The following ZNF619 variants were observed in gnomAD, a reference collection of about 807,000 sequenced individuals.
ZNF619 encodes zinc finger protein 619.
In ZNF619, 9 loss-of-function variants were observed where a neutral mutation model predicts 14.2. That is an observed-to-expected ratio of 0.64 (90% confidence interval 0.38 to 1.11). The LOEUF (loss-of-function observed/expected upper bound fraction) is 1.11. Ranked by LOEUF, ZNF619 falls within the 50% of genes least tolerant of loss-of-function variation. ZNF619 has a pLI of 0.01. For synonymous variants in ZNF619, 246 were observed against 252.8 expected, an observed-to-expected ratio of 0.97 and a Z score of 0.26; for missense variants, 659 against 680.1, an observed-to-expected ratio of 0.97 and a Z score of 0.34.
chr3:40,489,215 G>A lies in ZNF619; in HGVS notation c.*974G>A, dbSNP rs1466346806. ...TCATTTTCCTTTTTTTTTTGAGACA[G>A]GTTCTTGTTCTGTCATCCAGGCTGG... On this transcript the variant is annotated 3_prime_UTR_variant, in exon 5 of 5. Coordinates refer to ENST00000432264, the MANE Select transcript of ZNF619 (RefSeq NM_001145093.4). 6.7e-6 allele frequency: 1 copy of A among 149,990 alleles called. No homozygotes were observed. The highest frequency in any genetic ancestry group is 6.6e-5 in the Admixed American group (1 of 15,124). 9.3% of individuals were successfully genotyped at this position (149,990 alleles called of 1,614,324 possible). A position where few individuals can be genotyped will look rare whatever the true frequency, so the allele number is the denominator to read the frequency against.
intron 4 of ZNF619, among the ~76,000 whole-genome samples, chr3:40,486,080 C>T (rs1403898724): frequency 6.6e-6 from 1 of 152,156 alleles, no homozygotes; most frequent in Non-Finnish European, 1.5e-5. Context: ...CTTGATTGGA[C>T]TTTGAGATCC....
chr3:40,486,090 C>T (rs1469306129), intron 4 of ZNF619, among the ~76,000 whole-genome samples: 1 of 152,176 alleles, frequency 6.6e-6, no homozygotes, highest in Non-Finnish European at 1.5e-5. Context: ...CTTTGAGATC[C>T]ACTGTTGTAG....
rs1206317326 is a variant in ZNF619, at chr3:40,490,712, C to T, written c.*2471C>T. On this transcript the variant is annotated 3_prime_UTR_variant, in exon 5 of 5. Transcript: ENST00000432264. The stretch of plus-strand genomic sequence containing the variant: ...TCTCTTATGATTTTCTTAATATTTT[C>T]TCTAGCTTTATTATAAGAATATAGT... Among the ~76,000 whole-genome samples the T allele has an allele frequency of 1.3e-5, 2 of 152,070 alleles. No homozygotes were observed. Among genetic ancestry groups the T allele is most frequent in the East Asian group, 3.9e-4 (2 of 5,186 alleles).
Position 40,488,319 on chromosome 3 carries a change from C to A in ZNF619, c.*78C>A. 1.3e-6 allele frequency: 1 copy of A among 746,730 alleles called. No homozygotes were observed. The highest frequency in any genetic ancestry group is 1.7e-5 in the South Asian group (1 of 58,680). The allele number at this position is 746,730 out of a possible 1,614,324, so 46.3% of individuals were successfully genotyped here. A position where few individuals can be genotyped will look rare whatever the true frequency, so the allele number is the denominator to read the frequency against. ...TCTCCTGATTGTGTCTATTGATATTCCTCTGGTCTTGTCTTGTATAAGTTG... is the reference window on the plus strand; with the variant it reads ...TCTCCTGATTGTGTCTATTGATATTACTCTGGTCTTGTCTTGTATAAGTTG... On this transcript the variant is annotated 3_prime_UTR_variant, in exon 5 of 5. Coordinates refer to ENST00000432264, the MANE Select transcript of ZNF619 (RefSeq NM_001145093.4).
At position 40,489,369 on chromosome 3, in the gene ZNF619, G is replaced by A. The variant is rs1235960224; in HGVS notation, c.*1128G>A. 1 of 147,420 alleles carries A rather than the reference G, an allele frequency of 6.8e-6. No individual in the cohort carries two copies. The highest frequency in any genetic ancestry group is 2.5e-5 in the African/African-American group (1 of 40,254). The allele number at this position is 147,420 out of a possible 1,614,324, so 9.1% of individuals were successfully genotyped here. On this transcript the variant is annotated 3_prime_UTR_variant, in exon 5 of 5. Coordinates refer to ENST00000432264, the MANE Select transcript of ZNF619 (RefSeq NM_001145093.4). ...CCAGTTTCTCAGAGGGCTGAGGTGG[G>A]AGGATTGCTTGAGCCCTGGGGGCAT... is the stretch of plus-strand genomic sequence containing the variant.
chr3:40,487,609 A>C lies in ZNF619; in HGVS notation c.1099A>C (p.Thr367Pro), dbSNP rs753457661. Residue 367 changes from threonine (T) to proline (P), a missense_variant, in exon 5 of 5, where the codon ACT becomes CCT. By Grantham distance (38) the Thr-to-Pro change is conservative (BLOSUM62 -1). Coordinates refer to ENST00000432264, the MANE Select transcript of ZNF619 (RefSeq NM_001145093.4). Reference protein sequence around the residue: ...SVLIQHQRIHTGEKPYECKEC... With the variant: ...SVLIQHQRIHPGEKPYECKEC... ...TCTGATTCAGCATCAGAGAATCCAC[A>C]CTGGGGAGAAACCTTATGAATGTAA... 1 of 1,614,192 alleles carries C rather than the reference A, an allele frequency of 6.2e-7. No homozygotes were observed. Among genetic ancestry groups the C allele is most frequent in the Non-Finnish European group, 8.5e-7 (1 of 1,180,014 alleles).
chr3:40,482,157 A>G lies in ZNF619; in HGVS notation c.178+141A>G, dbSNP rs75397685. 11,207 of 1,545,558 alleles carry G rather than the reference A, an allele frequency of 7.3e-3. 47 individuals carry two copies. Among genetic ancestry groups the G allele is most frequent in the Non-Finnish European group, 8.5e-3 (9,711 of 1,146,226 alleles). ...CTCCCTAATCCCCAGTGCCAGGGGT[A>G]GCTGGATGGAGAAAGAGCTCGGTTC... On this transcript the variant is annotated intron_variant, in intron 3 of 4. Transcript: ENST00000432264.
rs541652519 is a variant in ZNF619 at position 40,481,664 on chromosome 3, G to A, written c.25-199G>A. Among the ~76,000 whole-genome samples, 6 of 152,288 alleles carry A rather than the reference G, an allele frequency of 3.9e-5. No homozygotes were observed. In the South Asian group the frequency reaches 1.2e-3, roughly 32 times the overall value. ...CCAGGCAGAGAACAACAGGTGCTGG[G>A]CTGTGTACTTAGGATGATAATATTA... On this transcript the variant is annotated intron_variant, in intron 2 of 4. Transcript: ENST00000432264.
rs1697779657 is a variant in ZNF619 at position 40,490,729 on chromosome 3, GAAT to G, written c.*2490_*2492del. 1.3e-5 allele frequency among the ~76,000 whole-genome samples: 2 copies of G among 152,124 alleles called. No individual in the cohort carries two copies. The highest frequency in any genetic ancestry group is 2.9e-5 in the Non-Finnish European group (2 of 68,026). Reference sequence around the variant, plus strand: ...AATATTTTCTCTAGCTTTATTATAAGAATATAGTGTCTAATATGTATAACATAA... The same window carrying G: ...AATATTTTCTCTAGCTTTATTATAAGATAGTGTCTAATATGTATAACATAA... On this transcript the variant is annotated 3_prime_UTR_variant, in exon 5 of 5. Transcript: ENST00000432264.
intron 1 of ZNF619, 49 bp from the exon 2 acceptor site, chr3:40,477,869 G>A: frequency 9.8e-7 from 1 of 1,018,414 alleles, no homozygotes; most frequent in East Asian, 2.6e-5. Context: ...GGAAGAGGCG[G>A]CAAGTGTAGG....
At chr3:40,478,645 A>G (rs1697281458) in intron 2 of ZNF619, among the ~76,000 whole-genome samples, 1 of 151,770 alleles carries the variant, frequency 6.6e-6, no homozygotes, top group South Asian at 2.1e-4. Flanking sequence ...TCTTGGCTAC[A>G]AATTCATGTA....
At position 40,488,117 on chromosome 3, in the gene ZNF619, T is replaced by C. The variant is rs772308594; in HGVS notation, c.1607T>C (p.Leu536Pro). Residue 536 changes from leucine to proline, a missense_variant, in exon 5 of 5, where the codon CTG becomes CCG. Physicochemically the swap from Leu to Pro is moderately conservative, Grantham distance 98. Coordinates refer to ENST00000432264, the MANE Select transcript of ZNF619 (RefSeq NM_001145093.4). The part of the protein sequence containing the change: ...VVLPPSVPFF[L>P]LLPSSEKANP... ...CTTCCTCCCTCTGTGCCTTTCTTCC[T>C]GCTGCTTCCCTCATCTGAAAAGGCC... 6.2e-7 allele frequency: 1 copy of C among 1,614,210 alleles called. No individual in the cohort carries two copies. Among genetic ancestry groups the C allele is most frequent in the Non-Finnish European group, 8.5e-7 (1 of 1,180,028 alleles).
Position 40,482,659 on chromosome 3 carries a change from C to T in ZNF619, c.250C>T (p.Pro84Ser). 2 of 1,614,122 alleles carry T rather than the reference C, an allele frequency of 1.2e-6. No individual in the cohort carries two copies. Among genetic ancestry groups the T allele is most frequent in the Non-Finnish European group, 1.7e-6 (2 of 1,180,006 alleles). ...AGGAGAAGCAGCATGGGGCCCAGAT[C>T]CCTGGACACTTGCTGGGGGAGAGGC... is the stretch of plus-strand genomic sequence containing the variant. ...EQGEAAWGPD[P>S]WTLAGGEALR... The change falls in exon 4 of 5, where the codon CCC becomes TCC. Residue 84 changes from proline (P) to serine (S), a missense_variant. Transcript: ENST00000432264.
chr3:40,481,873 G>A lies in ZNF619; in HGVS notation c.35G>A (p.Arg12Lys), dbSNP rs1697405581. The A allele has an allele frequency of 3.7e-6, 6 of 1,606,402 alleles. No homozygotes were observed. In the African/African-American group the frequency reaches 8.0e-5, roughly 22 times the overall value. The change falls in exon 3 of 5, where the codon AGG (arginine) becomes AAG (lysine). Residue 12 changes from arginine to lysine, a missense_variant. Transcript: ENST00000432264. ...LQTVWFQGLG[R>K]NLLFQEPVTF... Reference sequence around the variant, plus strand: ...TCTGTTCTTGTGCAGGGCTTGGGCAGGAACCTGTTGTTTCAGGAGCCAGTA... The same window carrying A: ...TCTGTTCTTGTGCAGGGCTTGGGCAAGAACCTGTTGTTTCAGGAGCCAGTA...
chr3:40,483,731 C>T (rs766460333), intron 4 of ZNF619: 4 of 416,374 alleles, frequency 9.6e-6, no homozygotes, highest in South Asian at 3.4e-5. Flanking sequence ...CAGGTACAAG[C>T]GATTCTCCTG....
rs1697246268 is a variant in ZNF619 at position 40,477,905 on chromosome 3, G to T, written c.-62-13G>T. 1.4e-6 allele frequency: 2 copies of T among 1,423,962 alleles called. No homozygotes were observed. Among genetic ancestry groups the T allele is most frequent in the Non-Finnish European group, 1.9e-6 (2 of 1,031,528 alleles). 88.2% of individuals were successfully genotyped at this position (1,423,962 alleles called of 1,614,324 possible). A position where few individuals can be genotyped will look rare whatever the true frequency, so the allele number is the denominator to read the frequency against. On this transcript the variant is annotated splice_polypyrimidine_tract_variant and intron_variant, in intron 1 of 4. Coordinates refer to ENST00000432264, the MANE Select transcript of ZNF619 (RefSeq NM_001145093.4). ...AGACGAGACAGATCAGTCTCATTGT[G>T]GTTCTCTCTTAGCTCCGCAGGTTCT...
intron 2 of ZNF619, 89 bp downstream of exon 2, chr3:40,478,092 G>A: frequency 7.7e-7 from 1 of 1,291,362 alleles, no homozygotes; most frequent in Non-Finnish European, 1.1e-6. Flanking sequence ...CCAGTCTCAT[G>A]CTTAGTTTTA....
Position 40,487,940 on chromosome 3 carries a change from G to C in ZNF619, c.1430G>C (p.Trp477Ser). Residue 477 changes from tryptophan (W) to serine (S), a missense_variant, in exon 5 of 5, where the codon TGG becomes TCG. By Grantham distance (177) the Trp-to-Ser change is radical. Coordinates refer to ENST00000432264, the MANE Select transcript of ZNF619 (RefSeq NM_001145093.4). ...GCAAGTTTCATCCAGCATCAGAAGT[G>C]GCATACTAGGAAGAAACTCATCAAT... ...WNASFIQHQK[W>S]HTRKKLINGT... The C allele has an allele frequency of 6.2e-7, 1 of 1,614,166 alleles. No homozygotes were observed. Among genetic ancestry groups the C allele is most frequent in the Non-Finnish European group, 8.5e-7 (1 of 1,180,006 alleles).
chr3:40,482,523 G>C (rs1268627120), intron 3 of ZNF619, 65 bp from the exon 4 acceptor site: 10 of 1,571,152 alleles, frequency 6.4e-6, no homozygotes, highest in South Asian at 2.2e-5. Flanking sequence ...GCAAAGCAGA[G>C]TGTAGTCTGA....
Sources: allele counts gnomAD v4.1 joint callset (sites outside exome capture counted in the v4.1 genomes callset), GRCh38; gene constraint gnomAD v4.1.1; transcripts MANE v1.5; gene names NCBI Gene and HGNC (gene_info 2026-07-23, HGNC 2026-07-21).